The following NOL4 variants were observed in gnomAD, a reference collection of about 807,000 sequenced individuals.
NOL4 encodes the protein nucleolar protein 4.
NOL4 carries 17 observed loss-of-function variants against 75.9 expected under a neutral mutation model. The ratio of observed to expected loss-of-function variants is 0.22; its 90% CI spans 0.15 to 0.34. The LOEUF is 0.34. Among genes scored for constraint, NOL4 ranks in the 10% least tolerant of loss-of-function variants. NOL4 has a pLI of 1.00. For synonymous variants in NOL4, 292 were observed against 289.9 expected, an observed-to-expected ratio of 1.01 and a Z score of -0.07; for missense variants, 614 against 793.5, an observed-to-expected ratio of 0.77 and a Z score of 2.72.
At chr18:33,936,665 G>GTTTTTATAT (rs1361381812) in intron 9 of NOL4, among the ~76,000 whole-genome samples, 1 of 151,986 alleles carries the variant, frequency 6.6e-6, no homozygotes, top group Non-Finnish European at 1.5e-5. Context: ...CTCCTGCTGG[G>GTTTTTATAT]GAAGCCCTTA....
At chr18:33,898,297 G>C (rs970646331) in intron 9 of NOL4, among the ~76,000 whole-genome samples, 5 of 152,086 alleles carry the variant, frequency 3.3e-5, no homozygotes, top group African/African-American at 1.2e-4. Flanking sequence ...GCTTTAGCTG[G>C]TGATCACATG....
At chr18:34,058,689 G>GT (rs2076934932) in intron 5 of NOL4, among the ~76,000 whole-genome samples, 1 of 152,078 alleles carries the variant, frequency 6.6e-6, no homozygotes, top group Admixed American at 6.5e-5. Flanking sequence ...ATGTAAAGCT[G>GT]TATCTCACAA....
At chr18:34,079,412 T>A (rs1163354830) in intron 5 of NOL4, among the ~76,000 whole-genome samples, 1 of 151,746 alleles carries the variant, frequency 6.6e-6, no homozygotes, top group Non-Finnish European at 1.5e-5. Context: ...TGCCACCCCA[T>A]CCTAGGCTGG....
chr18:33,885,169 AT>A (rs1403005036), intron 9 of NOL4, among the ~76,000 whole-genome samples: 1 of 152,048 alleles, frequency 6.6e-6, no homozygotes, highest in Non-Finnish European at 1.5e-5. Context: ...TTTAAAAAAA[AT>A]CATTCCTCTG....
At chr18:33,861,607 C>T (rs148768364) in intron 10 of NOL4, among the ~76,000 whole-genome samples, 5 of 152,216 alleles carry the variant, frequency 3.3e-5, no homozygotes, top group Admixed American at 2.6e-4. Context: ...AAATCAAAAG[C>T]ATTCTTATAC....
At chr18:34,104,767 A>C (rs1175083050) in intron 3 of NOL4, among the ~76,000 whole-genome samples, 1 of 152,056 alleles carries the variant, frequency 6.6e-6, no homozygotes, top group East Asian at 1.9e-4. Flanking sequence ...TCCTTGCTGA[A>C]TATATCTAAA....
At chr18:33,965,164 A>G (rs1004023031) in intron 6 of NOL4, among the ~76,000 whole-genome samples, 3 of 152,208 alleles carry the variant, frequency 2.0e-5, no homozygotes, top group Non-Finnish European at 4.4e-5. Context: ...AGATGATACG[A>G]CAAGAATGCC....
At chr18:34,015,359 C>T (rs1468523243) in intron 6 of NOL4, among the ~76,000 whole-genome samples, 1 of 151,996 alleles carries the variant, frequency 6.6e-6, no homozygotes, top group African/African-American at 2.4e-5. Context: ...TTGAATCCAC[C>T]TCTGAGCACT....
chr18:33,982,225 G>A (rs944025035), intron 6 of NOL4, among the ~76,000 whole-genome samples: 9 of 151,930 alleles, frequency 5.9e-5, no homozygotes, highest in Admixed American at 6.6e-5. Context: ...TAATCCCTCC[G>A]AATGTCAATG....
At chr18:33,904,057 A>G (rs966609379) in intron 9 of NOL4, among the ~76,000 whole-genome samples, 5 of 152,140 alleles carry the variant, frequency 3.3e-5, no homozygotes, top group African/African-American at 1.2e-4. Flanking sequence ...AATTGATTTT[A>G]TAATCTTGCT....
chr18:34,110,601 A>G (rs1432669796), intron 2 of NOL4, among the ~76,000 whole-genome samples: 3 of 152,134 alleles, frequency 2.0e-5, no homozygotes, highest in African/African-American at 7.2e-5. Context: ...GAAAATGAAA[A>G]CTTTTCTTCT....
chr18:34,050,691 G>C (rs1259994435), intron 5 of NOL4, among the ~76,000 whole-genome samples: 2 of 151,932 alleles, frequency 1.3e-5, no homozygotes, highest in Non-Finnish European at 2.9e-5. Context: ...ATTTTTATGA[G>C]CCCTAATTTT....
chr18:34,043,316 G>A (rs1203436808), intron 5 of NOL4, among the ~76,000 whole-genome samples: 1 of 151,950 alleles, frequency 6.6e-6, no homozygotes, highest in Non-Finnish European at 1.5e-5. Context: ...ATAATCTTTT[G>A]CATCCTAAGA....
intron 4 of NOL4, among the ~76,000 whole-genome samples, chr18:34,097,577 G>C (rs1387560381): frequency 6.6e-6 from 1 of 152,140 alleles, no homozygotes; most frequent in Non-Finnish European, 1.5e-5. Flanking sequence ...AGTCGTATGT[G>C]GCTGTTGAAC....
chr18:34,129,797 G>T, intron 2 of NOL4, 74 bp downstream of exon 2: 3 of 1,289,244 alleles, frequency 2.3e-6, no homozygotes, highest in South Asian at 1.9e-5. Context: ...TATAATTATC[G>T]AACCCATTTA....
intron 1 of NOL4, among the ~76,000 whole-genome samples, chr18:34,191,122 C>T (rs1411142800): frequency 6.6e-6 from 1 of 152,118 alleles, no homozygotes; most frequent in Admixed American, 6.6e-5. Context: ...CATGATTACA[C>T]AATTTCAGGT....
Position 34,142,559 on chromosome 18 carries a change from T to A in NOL4, c.265-12539A>T, listed in dbSNP as rs566709736. ...ACATGGATGAAGCTGGAAACCATCA[T>A]TCTCAGCAAACTATCGCAAGGACAA... On this transcript the variant is annotated intron_variant, in intron 1 of 10. Coordinates refer to ENST00000261592, the MANE Select transcript of NOL4 (RefSeq NM_003787.5). Among the ~76,000 whole-genome samples, 461 of 152,278 alleles carry A rather than the reference T, an allele frequency of 3.0e-3. 2 individuals are homozygous for A. The highest frequency in any genetic ancestry group is 0.017 in the Middle Eastern group (5 of 294).
chr18:34,129,717 C>A (rs915441424), intron 2 of NOL4, among the ~76,000 whole-genome samples, 154 bp downstream of exon 2: 2 of 151,664 alleles, frequency 1.3e-5, no homozygotes, highest in African/African-American at 4.8e-5. Context: ...AACATACAAC[C>A]AAAATAATTA....
At chr18:33,942,302 T>C (rs944335361) in intron 9 of NOL4, among the ~76,000 whole-genome samples, 1 of 151,906 alleles carries the variant, frequency 6.6e-6, no homozygotes, top group Admixed American at 6.6e-5. Context: ...GAATATTTAG[T>C]ATATCATGTG....
Sources: gnomAD v4.1 joint callset for allele counts (sites outside exome capture counted in the v4.1 genomes callset) on GRCh38, gnomAD v4.1.1 for gene constraint, MANE v1.5 for transcripts, NCBI Gene and HGNC (gene_info 2026-07-23, HGNC 2026-07-21) for gene names.